RBMS3: variants seen among roughly 807,000 people sequenced by gnomAD.
RBMS3 encodes RNA-binding motif, single-stranded-interacting protein 3.
Under a neutral mutation model 66.8 loss-of-function variants are expected in RBMS3, and 27 were observed. That is an observed-to-expected ratio of 0.40 (90% CI 0.30 to 0.56). The LOEUF is 0.56. Ranked by LOEUF, RBMS3 falls within the 20% of genes least tolerant of loss-of-function variation. RBMS3 has a pLI of 0.40. For synonymous variants in RBMS3, 188 were observed against 183.0 expected (o/e 1.03, Z -0.22); for missense variants, 513 against 549.5 (o/e 0.93, Z 0.66).
rs141908871 is a variant in RBMS3 at position 29,739,819 on chromosome 3, A to G, written c.499A>G (p.Ile167Val). Residue 167 changes from isoleucine to valine, a missense_variant, in exon 5 of 15, where the codon ATT (isoleucine) becomes GTT (valine). Ile to Val is a conservative substitution (Grantham distance 29). Transcript: ENST00000383767. ...ENMLKPFGHV[I>V]STRILRDANG... ...TATGCTGAAACCCTTTGGACATGTC[A>G]TTTCCACAAGAATACTAAGAGACGC... 6.2e-7 allele frequency: 1 copy of G among 1,613,288 alleles called. No individual in the cohort carries two copies. The highest frequency in any genetic ancestry group is 1.3e-5 in the African/African-American group (1 of 74,884).
intron 6 of RBMS3, among the ~76,000 whole-genome samples, chr3:29,822,173 A>G (rs1393130779): frequency 1.3e-5 from 2 of 152,150 alleles, no homozygotes; most frequent in Non-Finnish European, 2.9e-5. Context: ...AACACACTTC[A>G]TCCTTCAGAA....
At chr3:29,872,670 C>A (rs969209676) in intron 7 of RBMS3, among the ~76,000 whole-genome samples, 1 of 152,104 alleles carries the variant, frequency 6.6e-6, no homozygotes, top group African/African-American at 2.4e-5. Context: ...GCCCCTAGGC[C>A]ATCAGTGCAA....
chr3:29,968,758 C>T (rs1435560557), intron 12 of RBMS3, among the ~76,000 whole-genome samples: 1 of 152,202 alleles, frequency 6.6e-6, no homozygotes, highest in East Asian at 1.9e-4. Flanking sequence ...TGGATCCTCT[C>T]AGGATTGCTG....
At chr3:29,973,563 A>AT in intron 12 of RBMS3, among the ~76,000 whole-genome samples, 1 of 152,082 alleles carries the variant, frequency 6.6e-6, no homozygotes, top group Non-Finnish European at 1.5e-5. Flanking sequence ...AATACTTGGC[A>AT]TATAATAGGG....
At chr3:29,342,339 A>G (rs954702948) in intron 1 of RBMS3, among the ~76,000 whole-genome samples, 1 of 152,152 alleles carries the variant, frequency 6.6e-6, no homozygotes, top group African/African-American at 2.4e-5. Flanking sequence ...TTTCAAGTGG[A>G]CAGATAATGG....
chr3:29,498,671 G>A (rs2043853787), intron 3 of RBMS3, among the ~76,000 whole-genome samples: 3 of 152,076 alleles, frequency 2.0e-5, no homozygotes, highest in Non-Finnish European at 2.9e-5. Context: ...TGTCAAGTGA[G>A]GTTATCTACA....
chr3:29,847,569 C>T (rs531846232), intron 6 of RBMS3, among the ~76,000 whole-genome samples: 2 of 152,148 alleles, frequency 1.3e-5, no homozygotes, highest in East Asian at 3.9e-4. Context: ...TCTCATGAAG[C>T]AGGCAGACTA....
chr3:29,595,670 A>G (rs1271419971), intron 4 of RBMS3, among the ~76,000 whole-genome samples: 7 of 152,190 alleles, frequency 4.6e-5, no homozygotes, highest in Non-Finnish European at 5.9e-5. Context: ...TCCCACGTAG[A>G]TTCTGATCCC....
intron 2 of RBMS3, among the ~76,000 whole-genome samples, chr3:29,463,614 GAAAAA>G (rs3041556): frequency 7.9e-6 from 1 of 127,228 alleles, no homozygotes. Context: ...CTGGTTAGTT[GAAAAA>G]AAAAAAAAAA....
intron 4 of RBMS3, among the ~76,000 whole-genome samples, chr3:29,678,249 GGGA>G (rs1364941426): frequency 6.6e-6 from 1 of 151,956 alleles, no homozygotes; most frequent in African/African-American, 2.4e-5. Flanking sequence ...AAGAAGAGAA[GGGA>G]TTTCAAAATA....
chr3:29,538,984 CA>C (rs755990931), intron 3 of RBMS3, among the ~76,000 whole-genome samples: 7 of 152,150 alleles, frequency 4.6e-5, no homozygotes, highest in Non-Finnish European at 1.0e-4. Flanking sequence ...GAAATAACCC[CA>C]TTTTTTTGCT....
chr3:29,423,052 C>A (rs896955223), intron 1 of RBMS3, among the ~76,000 whole-genome samples: 1 of 152,172 alleles, frequency 6.6e-6, no homozygotes, highest in East Asian at 1.9e-4. Flanking sequence ...TGTAAGAAAA[C>A]CTTCTCCTTT....
chr3:29,459,162 T>C (rs573386476), intron 2 of RBMS3, among the ~76,000 whole-genome samples: 1 of 152,342 alleles, frequency 6.6e-6, no homozygotes, highest in East Asian at 1.9e-4. Flanking sequence ...CAAGGCACTT[T>C]CCAAGATTCA....
At chr3:29,786,047 A>G (rs1200104690) in intron 6 of RBMS3, among the ~76,000 whole-genome samples, 1 of 151,728 alleles carries the variant, frequency 6.6e-6, no homozygotes, top group East Asian at 1.9e-4. Context: ...ATACATCAAC[A>G]GTGAGAAGCT....
chr3:29,961,494 T>C (rs1468378319), intron 12 of RBMS3, among the ~76,000 whole-genome samples: 2 of 152,126 alleles, frequency 1.3e-5, no homozygotes, highest in African/African-American at 4.8e-5. Context: ...CAGTACCAAT[T>C]TACTATACTA....
At chr3:29,911,371 T>G (rs7428549) in intron 10 of RBMS3, among the ~76,000 whole-genome samples, 1 of 152,028 alleles carries the variant, frequency 6.6e-6, no homozygotes, top group East Asian at 1.9e-4. Context: ...TGTGTGCCCT[T>G]CAACAGTTCT....
chr3:29,356,854 G>T (rs1234982207), intron 1 of RBMS3, among the ~76,000 whole-genome samples: 1 of 152,078 alleles, frequency 6.6e-6, no homozygotes, highest in Non-Finnish European at 1.5e-5. Context: ...GCATTGAGCT[G>T]CTGAGAGGAC....
chr3:29,474,395 GT>G (rs1477979146), intron 2 of RBMS3, among the ~76,000 whole-genome samples: 14 of 152,284 alleles, frequency 9.2e-5, no homozygotes, highest in Non-Finnish European at 1.5e-4. Context: ...TTTGTAAACA[GT>G]TTATGTTTAG....
chr3:29,363,564 G>GT (rs1226767823), intron 1 of RBMS3, among the ~76,000 whole-genome samples: 1 of 152,126 alleles, frequency 6.6e-6, no homozygotes, highest in Non-Finnish European at 1.5e-5. Flanking sequence ...CAAAGCGGGT[G>GT]GATCACCTGA....
Sources: allele counts gnomAD v4.1 joint callset (sites outside exome capture counted in the v4.1 genomes callset), GRCh38; gene constraint gnomAD v4.1.1; transcripts MANE v1.5; gene names NCBI Gene and HGNC (gene_info 2026-07-23, HGNC 2026-07-21).